Variants in FAF1 observed in about 807,000 individuals in gnomAD.
FAF1 encodes the protein Fas associated factor 1, also known as FAS-associated factor 1.
Under a neutral mutation model 92.5 loss-of-function variants are expected in FAF1, and 25 were observed. The observed-to-expected ratio is 0.27, with a 90% confidence interval of 0.20 to 0.38. The LOEUF is 0.38. Among genes scored for constraint, FAF1 ranks in the 10% least tolerant of loss-of-function variants. FAF1 has a pLI of 1.00. For missense variants in FAF1, 636 were observed against 793.3 expected (o/e 0.80, Z 2.38); for synonymous variants, 234 against 273.2 (o/e 0.86, Z 1.42).
At chr1:50,872,064 CAAAAAAAA>C (rs200142842) in intron 1 of FAF1, among the ~76,000 whole-genome samples, 2 of 65,542 alleles carry the variant, frequency 3.1e-5, no homozygotes, top group Admixed American at 1.7e-4. Flanking sequence ...GACTCCATCT[CAAAAAAAA>C]AAAAAAAAAA....
intron 6 of FAF1, among the ~76,000 whole-genome samples, chr1:50,708,556 G>C (rs923209669): frequency 1.3e-5 from 2 of 151,816 alleles, no homozygotes; most frequent in African/African-American, 4.8e-5. Flanking sequence ...TTGAATATAA[G>C]ACTCAAAGGT....
intron 5 of FAF1, 38 bp downstream of exon 5, chr1:50,744,646 T>C (rs1190770338): frequency 3.0e-6 from 4 of 1,353,512 alleles, no homozygotes; most frequent in African/African-American, 2.9e-5. Context: ...ATGGCATAAC[T>C]TAATTTTCTT....
Position 50,785,808 on chromosome 1 carries a change from T to C in FAF1, c.367+2192A>G, listed in dbSNP as rs563934133. On this transcript the variant is annotated intron_variant, in intron 4 of 18. Transcript: ENST00000396153. ...ACTTTTGAACATACTGCCAACAGAA[T>C]TGAAAACAGGATTTCTATGAAATAT... Among the ~76,000 whole-genome samples, 11 of 152,244 alleles carry C rather than the reference T, an allele frequency of 7.2e-5. No individual in the cohort carries two copies. The East Asian group carries it at 1.9e-3, about 27-fold the overall frequency.
intron 18 of FAF1, among the ~76,000 whole-genome samples, chr1:50,455,990 G>A (rs948196736): frequency 2.6e-5 from 4 of 151,978 alleles, no homozygotes; most frequent in Non-Finnish European, 4.4e-5. Flanking sequence ...CAGGAGAATC[G>A]CTTGAGCCTG....
chr1:50,664,734 CAG>C (rs573696001), intron 7 of FAF1, among the ~76,000 whole-genome samples: 3 of 152,218 alleles, frequency 2.0e-5, no homozygotes, highest in Non-Finnish European at 2.9e-5. Context: ...GCGGAGCTTG[CAG>C]AGAGTCGAGA....
rs1293225018 is a variant in FAF1 at position 50,439,904 on chromosome 1, T to G, written c.*1536A>C. 2 of 152,212 alleles carry G rather than the reference T, an allele frequency of 1.3e-5. No individual in the cohort carries two copies. The highest frequency in any genetic ancestry group is 1.5e-5 in the Non-Finnish European group (1 of 68,048). The allele number at this position is 152,212 out of a possible 1,614,324, so 9.4% of individuals were successfully genotyped here. A position where few individuals can be genotyped will look rare whatever the true frequency, so the allele number is the denominator to read the frequency against. ...CAGAGAAAGCCCATACCTAGGCAGA[T>G]GTAGCACTAGTCTGTGCTAGATAGT... On this transcript the variant is annotated 3_prime_UTR_variant, in exon 19 of 19. Coordinates refer to ENST00000396153, the MANE Select transcript of FAF1 (RefSeq NM_007051.3).
At chr1:50,543,114 C>A (rs1476307120) in intron 13 of FAF1, among the ~76,000 whole-genome samples, 1 of 152,120 alleles carries the variant, frequency 6.6e-6, no homozygotes, top group Non-Finnish European at 1.5e-5. Flanking sequence ...ATATTTCTAT[C>A]TTGTTAACGG....
At chr1:50,759,439 AT>A (rs932856260) in intron 4 of FAF1, among the ~76,000 whole-genome samples, 1 of 151,702 alleles carries the variant, frequency 6.6e-6, no homozygotes, top group Non-Finnish European at 1.5e-5. Flanking sequence ...ACTGAGAATG[AT>A]GGTTTCCAAT....
intron 1 of FAF1, among the ~76,000 whole-genome samples, chr1:50,920,975 T>G (rs1334019687): frequency 6.6e-6 from 1 of 152,144 alleles, no homozygotes; most frequent in Non-Finnish European, 1.5e-5. Context: ...TGGAAAGAAT[T>G]ATAGCTATCT....
At chr1:50,617,684 T>G (rs1176633923) in intron 8 of FAF1, among the ~76,000 whole-genome samples, 1 of 147,292 alleles carries the variant, frequency 6.8e-6, no homozygotes, top group Non-Finnish European at 1.5e-5. Context: ...AAGGAGTCCC[T>G]CCTCTTCTGT....
intron 6 of FAF1, among the ~76,000 whole-genome samples, chr1:50,720,194 G>A (rs564227590): frequency 1.3e-5 from 2 of 151,982 alleles, no homozygotes; most frequent in Non-Finnish European, 2.9e-5. Flanking sequence ...TAGAGACGGG[G>A]GTTTGCCATG....
intron 4 of FAF1, among the ~76,000 whole-genome samples, chr1:50,775,300 C>T (rs929304541): frequency 1.3e-5 from 2 of 152,050 alleles, no homozygotes; most frequent in African/African-American, 2.4e-5. Context: ...GTGCCAAACA[C>T]TGTGCTAGAA....
intron 1 of FAF1, among the ~76,000 whole-genome samples, chr1:50,884,241 A>C (rs1644638185): frequency 6.6e-6 from 1 of 151,314 alleles, no homozygotes; most frequent in African/African-American, 2.4e-5. Flanking sequence ...TAGGCCAGGC[A>C]CAGTGACTCA....
In FAF1 at chr1:50,818,680, A is replaced by C. The variant is rs374162629; in HGVS notation, c.115-17003T>G. On this transcript the variant is annotated intron_variant, in intron 2 of 18. Transcript: ENST00000396153. Reference sequence around the variant, plus strand: ...CTTATCTAAAATGCTTGGGACCAGAATCATTTTGGATTTTGGATTTTTTCA... The same window carrying C: ...CTTATCTAAAATGCTTGGGACCAGACTCATTTTGGATTTTGGATTTTTTCA... 1.3e-4 allele frequency among the ~76,000 whole-genome samples: 20 copies of C among 152,252 alleles called. 1 individual carries two copies. Among genetic ancestry groups the C allele is most frequent in the African/African-American group, 4.8e-4 (20 of 41,558 alleles).
chr1:50,879,158 T>A (rs1384129145), intron 1 of FAF1, among the ~76,000 whole-genome samples: 1 of 152,088 alleles, frequency 6.6e-6, no homozygotes, highest in African/African-American at 2.4e-5. Context: ...GGTATGATAA[T>A]CTCTTGAACC....
At chr1:50,623,341 G>A (rs1416990609) in intron 8 of FAF1, among the ~76,000 whole-genome samples, 1 of 152,106 alleles carries the variant, frequency 6.6e-6, no homozygotes, top group Non-Finnish European at 1.5e-5. Flanking sequence ...GCCAAGGCGG[G>A]TGGACTGCCT....
At chr1:50,906,433 G>A (rs1317693102) in intron 1 of FAF1, among the ~76,000 whole-genome samples, 1 of 152,178 alleles carries the variant, frequency 6.6e-6, no homozygotes, top group Non-Finnish European at 1.5e-5. Context: ...TTGGTGGCTT[G>A]ATGGGGATGG....
chr1:50,524,389 T>C (rs1647680213), intron 15 of FAF1, among the ~76,000 whole-genome samples: 1 of 152,236 alleles, frequency 6.6e-6, no homozygotes. Flanking sequence ...TTTAGTTTAA[T>C]TAGATCCCAT....
At chr1:50,455,105 A>G (rs1026194246) in intron 18 of FAF1, among the ~76,000 whole-genome samples, 3 of 152,244 alleles carry the variant, frequency 2.0e-5, no homozygotes, top group Non-Finnish European at 4.4e-5. Context: ...AGGTCATTCC[A>G]GCAGCTCCCT....
Sources: gnomAD v4.1 joint callset for allele counts (sites outside exome capture counted in the v4.1 genomes callset) on GRCh38, gnomAD v4.1.1 for gene constraint, MANE v1.5 for transcripts, NCBI Gene and HGNC (gene_info 2026-07-23, HGNC 2026-07-21) for gene names.